SRP68: variants seen among roughly 807,000 people sequenced by gnomAD.
SRP68 encodes signal recognition particle 68.
SRP68 carries 15 observed loss-of-function variants against 82.2 expected under a neutral mutation model. The observed-to-expected ratio is 0.18, with a 90% CI of 0.12 to 0.28. The LOEUF is 0.28. Among genes scored for constraint, SRP68 ranks in the 10% least tolerant of loss-of-function variants. The pLI is 1.00. For synonymous variants in SRP68, 261 were observed against 292.6 expected, an observed-to-expected ratio of 0.89 and a Z score of 1.10; for missense variants, 595 against 780.5, an observed-to-expected ratio of 0.76 and a Z score of 2.83.
At chr17:76,047,269 C>T (rs527890194) in intron 10 of SRP68, among the ~76,000 whole-genome samples, 2 of 152,234 alleles carry the variant, frequency 1.3e-5, no homozygotes, top group African/African-American at 4.8e-5. Context: ...AGGTGTGCAC[C>T]ATCACACCCA....
intron 3 of SRP68, 112 bp from the exon 4 acceptor site, chr17:76,064,283 C>G: frequency 1.1e-6 from 1 of 902,828 alleles, no homozygotes; most frequent in Non-Finnish European, 1.7e-6. Context: ...CCGCCTTTGC[C>G]ACTCTCAAAA....
chr17:76,057,340 TAAAC>T, intron 8 of SRP68, 59 bp downstream of exon 8: 1 of 1,602,292 alleles, frequency 6.2e-7, no homozygotes. Context: ...CACTACATCT[TAAAC>T]ACACAGGACA....
chr17:76,042,135 C>T (rs994506114), intron 13 of SRP68, among the ~76,000 whole-genome samples: 3 of 152,108 alleles, frequency 2.0e-5, no homozygotes, highest in Admixed American at 6.5e-5. Context: ...CTGCCCGCCT[C>T]GGCCTCCCAC....
chr17:76,062,740 T>TATATATATATATATAAA (rs1555629412), intron 4 of SRP68, among the ~76,000 whole-genome samples: 6 of 21,906 alleles, frequency 2.7e-4, no homozygotes, highest in Non-Finnish European at 4.3e-4. Context: ...TATATATATA[T>TATATATATATATATAAA]ATATATATAT....
chr17:76,072,154 C>CT lies in SRP68; in HGVS notation c.184+153_184+154insA. 1 of 1,435,972 alleles carries CT rather than the reference C, an allele frequency of 7.0e-7. No homozygotes were observed. The highest frequency in any genetic ancestry group is 9.4e-7 in the Non-Finnish European group (1 of 1,068,428). The allele number at this position is 1,435,972 out of a possible 1,614,324, so 89.0% of individuals were successfully genotyped here. On this transcript the variant is annotated intron_variant, in intron 1 of 15. Transcript: ENST00000307877. This position sits in a 1 kb window ranked among gnomAD's most constrained non-coding sequence, Gnocchi z 4.5. ...AAGACTAGTCGAGAGACAGACCCCC[C>CT]CCGGAATTCTGAGCACCAAAAGGTA...
chr17:76,062,764 TAA>T (rs1199160459), intron 4 of SRP68, among the ~76,000 whole-genome samples: 10 of 74,746 alleles, frequency 1.3e-4, no homozygotes, highest in East Asian at 3.3e-4. Context: ...TATATATATA[TAA>T]AATATATATA....
chr17:76,069,684 G>A (rs2066834322), intron 2 of SRP68, among the ~76,000 whole-genome samples: 1 of 151,370 alleles, frequency 6.6e-6, no homozygotes, highest in African/African-American at 2.4e-5. Flanking sequence ...TCCAGCCTGG[G>A]CAACAGAGTG....
intron 2 of SRP68, among the ~76,000 whole-genome samples, chr17:76,068,614 G>A (rs1468776300): frequency 6.6e-6 from 1 of 152,176 alleles, no homozygotes; most frequent in Non-Finnish European, 1.5e-5. Context: ...AGCCAATTAG[G>A]TTATCGCCAA....
rs969968477 is a variant in SRP68, at chr17:76,060,296, A to G, written c.837+12T>C. On this transcript the variant is annotated intron_variant, in intron 7 of 15. Coordinates refer to ENST00000307877, the MANE Select transcript of SRP68 (RefSeq NM_014230.4). ...CCAAAGACTTTTCACAAAAATGTAC[A>G]TACTAGATTACCTCCAATTTTTCAG... 28 of 1,598,100 alleles carry G rather than the reference A, an allele frequency of 1.8e-5. No homozygotes were observed. The highest frequency in any genetic ancestry group is 2.3e-5 in the Non-Finnish European group (27 of 1,167,448).
At position 76,057,356 on chromosome 17, in the gene SRP68, C is replaced by A. The variant is rs200554124; in HGVS notation, c.978+47G>T. 6.5e-5 allele frequency: 104 copies of A among 1,610,906 alleles called. 1 individual carries two copies. In the East Asian group the frequency reaches 2.3e-3, roughly 36 times the overall value. On this transcript the variant is annotated intron_variant, in intron 8 of 15. Transcript: ENST00000307877. ...ACTACATCTTAAACACACAGGACAACCTTCAGACACATACAGAAGACAGCA... is the reference window on the plus strand; with the variant it reads ...ACTACATCTTAAACACACAGGACAAACTTCAGACACATACAGAAGACAGCA...
chr17:76,062,734 T>TATATATATATATATAAA (rs1226985363), intron 4 of SRP68, among the ~76,000 whole-genome samples: 2 of 8,002 alleles, frequency 2.5e-4, no homozygotes, highest in African/African-American at 2.5e-3. Context: ...TTATTTTATA[T>TATATATATATATATAAA]ATATATATAT....
intron 10 of SRP68, among the ~76,000 whole-genome samples, chr17:76,047,094 G>A (rs747831712): frequency 5.3e-5 from 8 of 152,222 alleles, no homozygotes; most frequent in Non-Finnish European, 1.2e-4. Context: ...GCCGCAGGGA[G>A]CTTCAAACAC....
chr17:76,069,900 A>G lies in SRP68; in HGVS notation c.251+478T>C, dbSNP rs147687419. 7.4e-3 allele frequency among the ~76,000 whole-genome samples: 1,129 copies of G among 151,764 alleles called. 13 individuals carry two copies. The highest frequency in any genetic ancestry group is 0.027 in the Middle Eastern group (8 of 294). ...GAGACCAGCCTGGCCAACATGGCGA[A>G]ACCCCATCTCTACTAAAAATACAAA... On this transcript the variant is annotated intron_variant, in intron 2 of 15. Transcript: ENST00000307877.
At chr17:76,050,354 T>G (rs1282312753) in intron 9 of SRP68, 74 bp downstream of exon 9, 7 of 1,059,868 alleles carry the variant, frequency 6.6e-6, no homozygotes, top group Non-Finnish European at 1.0e-5. Flanking sequence ...AGCACTGGGG[T>G]CCACCTGAGA....
chr17:76,045,217 G>A (rs112748830), intron 12 of SRP68, 75 bp downstream of exon 12: 11 of 1,157,148 alleles, frequency 9.5e-6, no homozygotes, highest in African/African-American at 7.7e-5. Flanking sequence ...CCCATCTGCT[G>A]TGGGCTGGGT....
chr17:76,064,252 TCGG>T, intron 3 of SRP68, 81 bp from the exon 4 acceptor site: 1 of 1,307,620 alleles, frequency 7.6e-7, no homozygotes, highest in East Asian at 2.3e-5. Flanking sequence ...CTTCGGCTTC[TCGG>T]CTTTTCTTTA....
At position 76,039,439 on chromosome 17, in the gene SRP68, G is replaced by T; in HGVS notation, c.*267C>A. On this transcript the variant is annotated 3_prime_UTR_variant, in exon 16 of 16. Transcript: ENST00000307877. ...CAAAGGCAATCAATCACAGCTCACA[G>T]GGCACCAGACAGCAGCGGCCCCTTT... 1.6e-6 allele frequency: 1 copy of T among 627,524 alleles called. No individual in the cohort carries two copies. Among genetic ancestry groups the T allele is most frequent in the Non-Finnish European group, 3.0e-6 (1 of 337,600 alleles). The allele number at this position is 627,524 out of a possible 1,614,324, so 38.9% of individuals were successfully genotyped here. A position where few individuals can be genotyped will look rare whatever the true frequency, so the allele number is the denominator to read the frequency against.
At chr17:76,068,609 A>G (rs1049332162) in intron 2 of SRP68, among the ~76,000 whole-genome samples, 3 of 152,206 alleles carry the variant, frequency 2.0e-5, no homozygotes, top group Non-Finnish European at 4.4e-5. Context: ...GAGGAAGCCA[A>G]TTAGGTTATC....
At chr17:76,059,810 A>G (rs552543797) in intron 7 of SRP68, among the ~76,000 whole-genome samples, 124 of 140,446 alleles carry the variant, frequency 8.8e-4, no homozygotes, top group Middle Eastern at 3.8e-3. Flanking sequence ...AAAAAAAAAG[A>G]ATACTTCAAG....
Sources: allele counts gnomAD v4.1 joint callset (sites outside exome capture counted in the v4.1 genomes callset), GRCh38; gene constraint gnomAD v4.1.1; non-coding constraint Gnocchi (gnomAD v3.1); transcripts MANE v1.5; gene names NCBI Gene and HGNC (gene_info 2026-07-23, HGNC 2026-07-21).